Variants in CCDC91 observed in about 807,000 individuals in gnomAD.
The protein encoded by CCDC91 is coiled-coil domain containing 91.
A neutral mutation model predicts 63.2 loss-of-function variants in CCDC91; 48 were observed. The ratio of observed to expected loss-of-function variants is 0.76; its 90% CI spans 0.60 to 0.97. CCDC91 has a LOEUF of 0.97. Among genes scored for constraint, CCDC91 ranks in the 50% least tolerant of loss-of-function variants. The pLI, the probability that CCDC91 is intolerant of heterozygous loss-of-function variation, is 0.00. For missense variants in CCDC91, 500 were observed against 494.6 expected (o/e 1.01, Z -0.10); for synonymous variants, 167 against 165.8 (o/e 1.01, Z -0.06).
chr12:28,528,830 T>C (rs1381506827), intron 12 of CCDC91, among the ~76,000 whole-genome samples: 1 of 152,148 alleles, frequency 6.6e-6, no homozygotes, highest in Non-Finnish European at 1.5e-5. Flanking sequence ...TTTGATATTT[T>C]CAAAAGTATA....
chr12:28,237,229 T>TACACGTACACAC, intron 1 of CCDC91, among the ~76,000 whole-genome samples: 1 of 23,328 alleles, frequency 4.3e-5, no homozygotes, highest in East Asian at 2.6e-3. Context: ...ACATGTGTAT[T>TACACGTACACAC]ACACATACAC....
chr12:28,268,061 AATT>A (rs1363551761), intron 3 of CCDC91, among the ~76,000 whole-genome samples: 3 of 141,856 alleles, frequency 2.1e-5, no homozygotes, highest in African/African-American at 5.4e-5. Flanking sequence ...AATTAAAAAT[AATT>A]AATAATAATA....
At chr12:28,464,880 G>A (rs1950477651) in intron 11 of CCDC91, among the ~76,000 whole-genome samples, 2 of 152,120 alleles carry the variant, frequency 1.3e-5, no homozygotes, top group Admixed American at 6.5e-5. Flanking sequence ...GCACCAAGTA[G>A]ACCCCTAGGG....
chr12:28,200,794 C>T (rs1183494107), intron 1 of CCDC91, among the ~76,000 whole-genome samples: 2 of 151,932 alleles, frequency 1.3e-5, no homozygotes, highest in African/African-American at 2.4e-5. Context: ...GTTGGGTACA[C>T]CTCCCAGACG....
chr12:28,201,363 G>T (rs71191661), intron 1 of CCDC91, among the ~76,000 whole-genome samples: 2 of 148,104 alleles, frequency 1.4e-5, no homozygotes, highest in African/African-American at 4.9e-5. Context: ...TCGCGGCCAG[G>T]TAGAGGAGCT....
intron 3 of CCDC91, among the ~76,000 whole-genome samples, chr12:28,292,753 C>T (rs973744702): frequency 2.6e-5 from 4 of 152,046 alleles, no homozygotes; most frequent in South Asian, 2.1e-4. Flanking sequence ...GTCAGGTAGA[C>T]GTACATTGCC....
At chr12:28,440,086 G>T (rs1949108073) in intron 8 of CCDC91, among the ~76,000 whole-genome samples, 1 of 152,028 alleles carries the variant, frequency 6.6e-6, no homozygotes, top group South Asian at 2.1e-4. Context: ...TACTGGTATA[G>T]ATTTCAGTTA....
chr12:28,284,007 T>C (rs1948762135), intron 3 of CCDC91, among the ~76,000 whole-genome samples: 1 of 152,210 alleles, frequency 6.6e-6, no homozygotes, highest in African/African-American at 2.4e-5. Context: ...GGTCTGGTTC[T>C]TCTGAAATCA....
At chr12:28,292,314 T>C (rs964104243) in intron 3 of CCDC91, among the ~76,000 whole-genome samples, 4 of 152,228 alleles carry the variant, frequency 2.6e-5, no homozygotes, top group Admixed American at 2.6e-4. Context: ...AAGTCTACCG[T>C]TTTCAATTTA....
chr12:28,505,350 A>G (rs1938570667), intron 12 of CCDC91: 1 of 151,852 alleles, frequency 6.6e-6, no homozygotes, highest in East Asian at 2.0e-4. Context: ...TGAAAGAGTT[A>G]TTCTGCGAAT....
intron 1 of CCDC91, among the ~76,000 whole-genome samples, chr12:28,248,777 T>TTTGTTC (rs1370459092): frequency 6.6e-6 from 1 of 152,210 alleles, no homozygotes; most frequent in Non-Finnish European, 1.5e-5. Context: ...TGTTTTTGTT[T>TTTGTTC]TTGTTCTGTT....
chr12:28,380,306 T>C (rs1458443960), intron 7 of CCDC91, among the ~76,000 whole-genome samples: 3 of 152,048 alleles, frequency 2.0e-5, no homozygotes, highest in Non-Finnish European at 2.9e-5. Flanking sequence ...ACATGTACCC[T>C]AGAACTTAAA....
chr12:28,515,363 A>C (rs1380752851), intron 12 of CCDC91, among the ~76,000 whole-genome samples: 2 of 151,848 alleles, frequency 1.3e-5, no homozygotes, highest in Admixed American at 1.3e-4. Flanking sequence ...TCACATATCC[A>C]TGTATTCTCC....
At chr12:28,299,759 A>G (rs1177762196) in intron 3 of CCDC91, among the ~76,000 whole-genome samples, 1 of 151,516 alleles carries the variant, frequency 6.6e-6, no homozygotes, top group East Asian at 1.9e-4. Context: ...GTCTTTTCAT[A>G]TATTTAAGGG....
chr12:28,367,313 C>T (rs569961259), intron 7 of CCDC91, among the ~76,000 whole-genome samples: 8 of 152,082 alleles, frequency 5.3e-5, no homozygotes, highest in Non-Finnish European at 7.4e-5. Flanking sequence ...GAAGAAGAAC[C>T]AACTGGCAAT....
chr12:28,305,808 T>A lies in CCDC91; in HGVS notation c.267+2T>A. ...AGTCAAACTATTCCAAAAGCACAGG[T>A]AAAGACAAACATATTTTTAAAGGAG... On this transcript the variant is annotated splice_donor_variant, in intron 4 of 12. Transcript: ENST00000536442. LOFTEE classifies it high-confidence loss of function. 6.2e-7 allele frequency: 1 copy of A among 1,606,282 alleles called. No homozygotes were observed. Among genetic ancestry groups the A allele is most frequent in the Non-Finnish European group, 8.5e-7 (1 of 1,176,620 alleles).
At chr12:28,481,954 T>C (rs1292743847) in intron 11 of CCDC91, among the ~76,000 whole-genome samples, 1 of 151,982 alleles carries the variant, frequency 6.6e-6, no homozygotes, top group East Asian at 1.9e-4. Flanking sequence ...TTTATTTAAA[T>C]TGATGCTTTT....
intron 12 of CCDC91, among the ~76,000 whole-genome samples, chr12:28,522,015 G>A (rs1237444240): frequency 6.6e-6 from 1 of 152,182 alleles, no homozygotes; most frequent in Non-Finnish European, 1.5e-5. Flanking sequence ...GTTCATCAGG[G>A]ATATTGGTCT....
In CCDC91 at chr12:28,218,057, T is replaced by G. The variant is rs189066330; in HGVS notation, c.-15+27416T>G. ...TGGTGACTCCTTGCTCTGTTCTCACTTCCTCCATCCTCCGTGTTTGATCCC... is the reference window on the plus strand; with the variant it reads ...TGGTGACTCCTTGCTCTGTTCTCACGTCCTCCATCCTCCGTGTTTGATCCC... On this transcript the variant is annotated intron_variant, in intron 1 of 12. Coordinates refer to ENST00000536442, the MANE Select transcript of CCDC91 (RefSeq NM_018318.5). 2.0e-5 allele frequency among the ~76,000 whole-genome samples: 3 copies of G among 152,290 alleles called. No homozygotes were observed. The East Asian group carries it at 5.8e-4, about 29-fold the overall frequency.
Sources: gnomAD v4.1 joint callset for allele counts (sites outside exome capture counted in the v4.1 genomes callset) on GRCh38, gnomAD v4.1.1 for gene constraint, MANE v1.5 for transcripts, NCBI Gene and HGNC (gene_info 2026-07-23, HGNC 2026-07-21) for gene names.